Variants in AK5 observed in about 807,000 individuals in gnomAD.
AK5 encodes adenylate kinase isoenzyme 5.
In AK5, 27 loss-of-function variants were observed where a neutral mutation model predicts 69.5. The ratio of observed to expected loss-of-function variants is 0.39; its 90% CI spans 0.29 to 0.54. The LOEUF is 0.54. Among genes scored for constraint, AK5 ranks in the 20% least tolerant of loss-of-function variants. AK5 has a pLI of 0.71. For missense variants in AK5, 531 were observed against 700.4 expected (o/e 0.76, Z 2.73); for synonymous variants, 260 against 244.4 (o/e 1.06, Z -0.60).
At chr1:77,461,769 C>CAAAA (rs960152262) in intron 8 of AK5, among the ~76,000 whole-genome samples, 1 of 83,940 alleles carries the variant, frequency 1.2e-5, no homozygotes. Context: ...GACTCTGTCT[C>CAAAA]AAAAAAAAAA....
intron 5 of AK5, among the ~76,000 whole-genome samples, chr1:77,312,611 T>TAAAAAA (rs5775383): frequency 8.1e-6 from 1 of 123,256 alleles, no homozygotes; most frequent in Non-Finnish European, 1.7e-5. Flanking sequence ...CGAGTCTGTC[T>TAAAAAA]AAAAAAAAAA....
chr1:77,528,807 T>G (rs961451218), intron 12 of AK5, among the ~76,000 whole-genome samples: 1 of 152,252 alleles, frequency 6.6e-6, no homozygotes, highest in African/African-American at 2.4e-5. Flanking sequence ...CCCCTGGTTA[T>G]AGTGACTCTG....
Position 77,430,687 on chromosome 1 carries a change from G to A in AK5, c.1059+12972G>A, listed in dbSNP as rs183177222. The stretch of plus-strand genomic sequence containing the variant: ...GAGAAAGATGAAAGAGCAGAAAGAC[G>A]TAGAAGAAGCCATTAGAGAGATATG... On this transcript the variant is annotated intron_variant, in intron 8 of 13. Coordinates refer to ENST00000354567, the MANE Select transcript of AK5 (RefSeq NM_174858.3). Among the ~76,000 whole-genome samples the A allele has an allele frequency of 3.8e-4, 58 of 152,270 alleles. 1 individual carries two copies. The East Asian group carries it at 8.3e-3, about 22-fold the overall frequency.
chr1:77,428,505 T>G (rs559909280), intron 8 of AK5, among the ~76,000 whole-genome samples: 38 of 152,120 alleles, frequency 2.5e-4, no homozygotes, highest in Non-Finnish European at 4.9e-4. Context: ...TTCCACTCCA[T>G]TATTAGGCTT....
At position 77,293,936 on chromosome 1, in the gene AK5, C is replaced by T. The variant is rs778665535; in HGVS notation, c.391C>T (p.Arg131Ter). 4.3e-6 allele frequency: 7 copies of T among 1,610,246 alleles called. No individual in the cohort carries two copies. The South Asian group carries it at 7.8e-5, about 18-fold the overall frequency. Reference sequence around the variant, plus strand: ...TGAGGTTTTTGATCCTACCAGACCTCGACCAAAAATCATTCTTGTTATAGG... The same window carrying T: ...TGAGGTTTTTGATCCTACCAGACCTTGACCAAAAATCATTCTTGTTATAGG... ...EYEVFDPTRP[R>*]PKIILVIGGP... Residue 131 changes from arginine (R) to a stop codon, truncating the protein, a stop_gained, in exon 3 of 14, where the codon CGA becomes TGA. Transcript: ENST00000354567. LOFTEE classifies it high-confidence loss of function.
chr1:77,392,779 T>A (rs1022364524), intron 6 of AK5, among the ~76,000 whole-genome samples: 2 of 152,052 alleles, frequency 1.3e-5, no homozygotes, highest in Admixed American at 6.5e-5. Flanking sequence ...GTTTTTTTTT[T>A]AATATAATTC....
chr1:77,336,264 T>C (rs1661356556), intron 5 of AK5, among the ~76,000 whole-genome samples: 1 of 152,052 alleles, frequency 6.6e-6, no homozygotes, highest in Non-Finnish European at 1.5e-5. Flanking sequence ...GTATTTTTAG[T>C]GGAGACAGGG....
intron 8 of AK5, among the ~76,000 whole-genome samples, chr1:77,454,739 A>G (rs1653368111): frequency 6.6e-6 from 1 of 152,166 alleles, no homozygotes; most frequent in African/African-American, 2.4e-5. Context: ...CATCTCGCAC[A>G]CAAATAATTT....
chr1:77,552,867 A>G (rs547515113), intron 13 of AK5, among the ~76,000 whole-genome samples: 1 of 152,290 alleles, frequency 6.6e-6, no homozygotes, highest in South Asian at 2.1e-4. Context: ...GCAAGACCCC[A>G]TCTCTACAAA....
chr1:77,335,384 G>GTT (rs11310843), intron 5 of AK5, among the ~76,000 whole-genome samples: 11 of 134,294 alleles, frequency 8.2e-5, no homozygotes, highest in South Asian at 2.3e-4. Flanking sequence ...AGTTTTTTGG[G>GTT]TTTTTTTTTT....
At chr1:77,529,473 C>T (rs2100338976) in intron 12 of AK5, among the ~76,000 whole-genome samples, 1 of 152,058 alleles carries the variant, frequency 6.6e-6, no homozygotes, top group Non-Finnish European at 1.5e-5. Context: ...TACAGGTGCC[C>T]ACCACCACGT....
intron 6 of AK5, among the ~76,000 whole-genome samples, chr1:77,362,994 C>T (rs934582852): frequency 2.0e-5 from 3 of 152,156 alleles, no homozygotes; most frequent in Admixed American, 2.0e-4. Context: ...CATTTACCCT[C>T]ATGTTTATAG....
intron 5 of AK5, among the ~76,000 whole-genome samples, chr1:77,324,863 C>T (rs1660715754): frequency 6.6e-6 from 1 of 152,150 alleles, no homozygotes; most frequent in Non-Finnish European, 1.5e-5. Context: ...CTCGGCTTAG[C>T]TTCCTCTTCT....
intron 13 of AK5, among the ~76,000 whole-genome samples, chr1:77,555,523 C>A (rs1660057131): frequency 6.6e-6 from 1 of 152,158 alleles, no homozygotes; most frequent in Non-Finnish European, 1.5e-5. Flanking sequence ...ACTTACTTAA[C>A]CACATTATCT....
At chr1:77,334,968 T>A (rs543387177) in intron 5 of AK5, among the ~76,000 whole-genome samples, 25 of 152,362 alleles carry the variant, frequency 1.6e-4, no homozygotes, top group Non-Finnish European at 3.2e-4. Flanking sequence ...CTGTCTTTTT[T>A]CCTTTTTTTA....
At chr1:77,414,503 C>T (rs7512897) in intron 7 of AK5, among the ~76,000 whole-genome samples, 121,701 of 152,050 alleles carry the variant, frequency 0.8, 49,138 homozygotes, top group Middle Eastern at 0.9. Context: ...ATATGGTTAG[C>T]CTCTGGTACC....
chr1:77,546,216 G>A (rs1357963844), intron 13 of AK5, among the ~76,000 whole-genome samples: 1 of 152,068 alleles, frequency 6.6e-6, no homozygotes, highest in Non-Finnish European at 1.5e-5. Flanking sequence ...CTTCCTCTGT[G>A]GTTGCTATAA....
At chr1:77,305,153 C>T (rs563343855) in intron 5 of AK5, among the ~76,000 whole-genome samples, 14 of 152,222 alleles carry the variant, frequency 9.2e-5, no homozygotes, top group Admixed American at 9.2e-4. Flanking sequence ...AATGTCTATT[C>T]AAATCTTTTG....
At chr1:77,484,260 C>A (rs1462576903) in intron 9 of AK5, among the ~76,000 whole-genome samples, 2 of 151,774 alleles carry the variant, frequency 1.3e-5, no homozygotes, top group African/African-American at 2.4e-5. Flanking sequence ...TGGGACTATC[C>A]AAAAAAGAAA....
Sources: gnomAD v4.1 joint callset for allele counts (sites outside exome capture counted in the v4.1 genomes callset) on GRCh38, gnomAD v4.1.1 for gene constraint, MANE v1.5 for transcripts, NCBI Gene and HGNC (gene_info 2026-07-23, HGNC 2026-07-21) for gene names.